The following PRPH2 variants were observed in gnomAD, a reference collection of about 807,000 sequenced individuals.
PRPH2 encodes the protein peripherin 2.
In PRPH2, 17 loss-of-function variants were observed where a neutral mutation model predicts 31.3. That is an observed-to-expected ratio of 0.54 (90% CI 0.37 to 0.81). The LOEUF is 0.81. PRPH2 is among the 40% of genes least tolerant of loss of function. The pLI is 0.00. For synonymous variants in PRPH2, 165 were observed against 184.4 expected, an observed-to-expected ratio of 0.89 and a Z score of 0.85; for missense variants, 430 against 439.7, an observed-to-expected ratio of 0.98 and a Z score of 0.20.
intron 2 of PRPH2, among the ~76,000 whole-genome samples, chr6:42,700,980 T>C (rs1418188934): frequency 7.4e-6 from 1 of 135,966 alleles, no homozygotes; most frequent in Non-Finnish European, 1.6e-5. Flanking sequence ...CCCACTGACT[T>C]TTCTTTCTTT....
intron 1 of PRPH2, among the ~76,000 whole-genome samples, chr6:42,718,711 T>C (rs1215927634): frequency 6.6e-6 from 1 of 152,088 alleles, no homozygotes; most frequent in African/African-American, 2.4e-5. Context: ...TGCAGTGGCA[T>C]GATCTTAGCT....
intron 1 of PRPH2, among the ~76,000 whole-genome samples, chr6:42,720,662 G>A (rs549985747): frequency 1.3e-5 from 2 of 152,280 alleles, no homozygotes; most frequent in South Asian, 4.1e-4. Context: ...TGGTGCCAAT[G>A]CCCTGAGTTC....
intron 1 of PRPH2, among the ~76,000 whole-genome samples, chr6:42,720,726 G>A (rs1489002674): frequency 6.6e-6 from 1 of 152,158 alleles, no homozygotes; most frequent in African/African-American, 2.4e-5. Context: ...ACCACCCTTA[G>A]GAATAACTGA....
chr6:42,721,989 C>G lies in PRPH2; in HGVS notation c.346G>C (p.Ala116Pro), dbSNP rs140227298. Residue 116 changes from alanine to proline, a missense_variant, in exon 1 of 3, where the codon GCT becomes CCT. By Grantham distance (27) the Ala-to-Pro change is conservative. Coordinates refer to ENST00000230381, the MANE Select transcript of PRPH2 (RefSeq NM_000322.5). The stretch of plus-strand genomic sequence containing the variant: ...CCCCGAAGCAGAAAGCAGCAGAGAG[C>G]CACAAGGAAGAGGATGATGTTGAAG... ...VLFNIILFLVALCCFLLRGSL... is the reference protein window; with the variant it reads ...VLFNIILFLVPLCCFLLRGSL... 2 of 1,614,110 alleles carry G rather than the reference C, an allele frequency of 1.2e-6. No individual in the cohort carries two copies. The highest frequency in any genetic ancestry group is 1.7e-6 in the Non-Finnish European group (2 of 1,180,042).
chr6:42,709,191 G>A (rs1017171884), intron 1 of PRPH2, among the ~76,000 whole-genome samples: 2 of 151,994 alleles, frequency 1.3e-5, no homozygotes, highest in Admixed American at 6.6e-5. Flanking sequence ...TTAGCCGGGC[G>A]TGGTGGCGGG....
intron 2 of PRPH2, among the ~76,000 whole-genome samples, chr6:42,704,089 G>A (rs1277986371): frequency 6.9e-6 from 1 of 144,882 alleles, no homozygotes; most frequent in African/African-American, 2.6e-5. Flanking sequence ...AACACAGAGA[G>A]ACTCAGCCTC....
rs1212706276 is a variant in PRPH2, at chr6:42,696,918, C to T, written c.*1377G>A. 1 of 152,012 alleles carries T rather than the reference C, an allele frequency of 6.6e-6. No individual in the cohort carries two copies. The highest frequency in any genetic ancestry group is 2.4e-5 in the African/African-American group (1 of 41,362). 9.4% of individuals were successfully genotyped at this position (152,012 alleles called of 1,614,324 possible). A position where few individuals can be genotyped will look rare whatever the true frequency, so the allele number is the denominator to read the frequency against. On this transcript the variant is annotated 3_prime_UTR_variant, in exon 3 of 3. Coordinates refer to ENST00000230381, the MANE Select transcript of PRPH2 (RefSeq NM_000322.5). The stretch of plus-strand genomic sequence containing the variant: ...CACCAGAAGTCTTATTTTCTCTACA[C>T]TGAAGTTCTTAGGACAGCAGAGAAC...
chr6:42,710,230 T>C (rs2152007001), intron 1 of PRPH2, among the ~76,000 whole-genome samples: 1 of 151,928 alleles, frequency 6.6e-6, no homozygotes, highest in Non-Finnish European at 1.5e-5. Context: ...GACGGGGCTG[T>C]GTCTCCCCTC....
At chr6:42,712,826 G>A (rs1761692952) in intron 1 of PRPH2, among the ~76,000 whole-genome samples, 2 of 152,254 alleles carry the variant, frequency 1.3e-5, no homozygotes, top group Middle Eastern at 3.4e-3. Context: ...CTAGGTGATG[G>A]CTACATGAGA....
intron 1 of PRPH2, among the ~76,000 whole-genome samples, chr6:42,708,858 T>C (rs1454165342): frequency 6.6e-6 from 1 of 152,178 alleles, no homozygotes; most frequent in African/African-American, 2.4e-5. Flanking sequence ...ATGGGGGATA[T>C]AAATGAGACA....
At chr6:42,720,569 G>A (rs866220901) in intron 1 of PRPH2, among the ~76,000 whole-genome samples, 6 of 152,272 alleles carry the variant, frequency 3.9e-5, no homozygotes, top group South Asian at 4.1e-4. Flanking sequence ...TCACTTGGAC[G>A]TCCCTTCCAT....
At chr6:42,705,631 T>TA (rs1562424355) in intron 1 of PRPH2, among the ~76,000 whole-genome samples, 1 of 126,608 alleles carries the variant, frequency 7.9e-6, no homozygotes, top group Non-Finnish European at 1.7e-5. Flanking sequence ...TATATATATA[T>TA]TTGTGCACTT....
At chr6:42,705,819 C>T (rs1053615756) in intron 1 of PRPH2, among the ~76,000 whole-genome samples, 6 of 149,384 alleles carry the variant, frequency 4.0e-5, no homozygotes, top group Admixed American at 3.4e-4. Context: ...ATTATCTGGG[C>T]GTGGTGGCAC....
At chr6:42,699,486 TAGCC>T (rs1339182510) in intron 2 of PRPH2, among the ~76,000 whole-genome samples, 1 of 152,202 alleles carries the variant, frequency 6.6e-6, no homozygotes, top group Non-Finnish European at 1.5e-5. Context: ...CCCGGGCACT[TAGCC>T]AGCCGTGTGA....
At chr6:42,715,070 G>C (rs1230182079) in intron 1 of PRPH2, among the ~76,000 whole-genome samples, 1 of 151,968 alleles carries the variant, frequency 6.6e-6, no homozygotes, top group Admixed American at 6.6e-5. Flanking sequence ...TTAGCCAGGC[G>C]TGCTGGCACA....
chr6:42,710,030 G>T (rs1327406620), intron 1 of PRPH2, among the ~76,000 whole-genome samples: 2 of 152,184 alleles, frequency 1.3e-5, no homozygotes, highest in African/African-American at 4.8e-5. Context: ...CAGTCTGCAG[G>T]CTGGGCTTGC....
intron 1 of PRPH2, among the ~76,000 whole-genome samples, chr6:42,716,552 G>A (rs1371548653): frequency 6.6e-6 from 1 of 151,322 alleles, no homozygotes; most frequent in East Asian, 1.9e-4. Flanking sequence ...AAGTAGCAGG[G>A]ACCACAGGTG....
intron 1 of PRPH2, among the ~76,000 whole-genome samples, chr6:42,705,599 A>AAAAAATATATATATAT (rs1562424252): frequency 1.7e-3 from 36 of 21,194 alleles, no homozygotes; most frequent in Non-Finnish European, 2.4e-3. Flanking sequence ...AAAAAAAAAA[A>AAAAAATATATATATAT]ATATATATAT....
At chr6:42,714,705 A>G (rs916481307) in intron 1 of PRPH2, among the ~76,000 whole-genome samples, 3 of 152,154 alleles carry the variant, frequency 2.0e-5, no homozygotes, top group Non-Finnish European at 2.9e-5. Flanking sequence ...TTTTGTAGAG[A>G]TGGGGTTTCA....
Sources: allele counts gnomAD v4.1 joint callset (sites outside exome capture counted in the v4.1 genomes callset), GRCh38; gene constraint gnomAD v4.1.1; transcripts MANE v1.5; gene names NCBI Gene and HGNC (gene_info 2026-07-23, HGNC 2026-07-21).